Variants in DIAPH3 observed in about 807,000 individuals in gnomAD.
DIAPH3 encodes protein diaphanous homolog 3.
DIAPH3 carries 117 observed loss-of-function variants against 144.3 expected under a neutral mutation model. That is an observed-to-expected ratio of 0.81 (90% confidence interval 0.70 to 0.95). The LOEUF (loss-of-function observed/expected upper bound fraction) is 0.95. DIAPH3 is among the 40% of genes least tolerant of loss of function. DIAPH3 has a pLI of 0.00. For missense variants in DIAPH3, 1,421 were observed against 1,412.7 expected, an observed-to-expected ratio of 1.01 and a Z score of -0.09; for synonymous variants, 519 against 488.9, an observed-to-expected ratio of 1.06 and a Z score of -0.81.
Position 59,901,436 on chromosome 13 carries a change from C to T in DIAPH3, c.2367+10299G>A, listed in dbSNP as rs539234548. Among the ~76,000 whole-genome samples, 10 of 152,288 alleles carry T rather than the reference C, an allele frequency of 6.6e-5. No individual in the cohort carries two copies. The South Asian group carries it at 8.3e-4, about 13-fold the overall frequency. On this transcript the variant is annotated intron_variant, in intron 20 of 27. Coordinates refer to ENST00000400324, the MANE Select transcript of DIAPH3 (RefSeq NM_001042517.2). ...TCCACACCTCTAACTAAAGTCACTC[C>T]GGCTTCTGCTCAACTCTTACCTCTT...
At chr13:59,971,748 C>A (rs908083676) in intron 15 of DIAPH3, among the ~76,000 whole-genome samples, 1 of 152,192 alleles carries the variant, frequency 6.6e-6, no homozygotes, top group African/African-American at 2.4e-5. Context: ...ATATCATGAT[C>A]TAGTCCCTGC....
At chr13:59,853,035 C>T (rs1379405150) in intron 22 of DIAPH3, among the ~76,000 whole-genome samples, 1 of 152,110 alleles carries the variant, frequency 6.6e-6, no homozygotes, top group Non-Finnish European at 1.5e-5. Flanking sequence ...CAACAAACAT[C>T]TGGGTTAAGT....
chr13:60,045,744 G>A (rs2056027515), intron 4 of DIAPH3, among the ~76,000 whole-genome samples: 1 of 152,128 alleles, frequency 6.6e-6, no homozygotes, highest in Non-Finnish European at 1.5e-5. Context: ...CGAAAAACTT[G>A]CAATTTGGGT....
chr13:59,782,425 T>C (rs139029055), intron 25 of DIAPH3, among the ~76,000 whole-genome samples: 2 of 152,208 alleles, frequency 1.3e-5, no homozygotes, highest in East Asian at 3.9e-4. Context: ...AGAAGAAATA[T>C]CTAAGAATTA....
At chr13:59,851,635 C>CTTT (rs200870976) in intron 22 of DIAPH3, among the ~76,000 whole-genome samples, 45 of 112,350 alleles carry the variant, frequency 4.0e-4, no homozygotes, top group African/African-American at 6.0e-4. Flanking sequence ...ATAGATGAAT[C>CTTT]TTTTTTTTTT....
At chr13:59,839,278 C>T in intron 23 of DIAPH3, 46 bp downstream of exon 23, 1 of 1,606,152 alleles carries the variant, frequency 6.2e-7, no homozygotes, top group Non-Finnish European at 8.5e-7. Context: ...TAAATTGTAT[C>T]TCTAGTTGAC....
Position 60,034,483 on chromosome 13 carries a change from T to C in DIAPH3, c.626+8207A>G, listed in dbSNP as rs537433045. The C allele has an allele frequency of 4.6e-5, 7 of 152,334 alleles. 1 individual carries two copies. The East Asian group carries it at 1.2e-3, about 25-fold the overall frequency. 9.4% of individuals were successfully genotyped at this position (152,334 alleles called of 1,614,324 possible). A position where few individuals can be genotyped will look rare whatever the true frequency, so the allele number is the denominator to read the frequency against. ...TGCTTTAAGAGGCAGGGACTCACTG[T>C]GTTGCCCATGCTAGAGTACAGTGGC... On this transcript the variant is annotated intron_variant, in intron 5 of 27. Coordinates refer to ENST00000400324, the MANE Select transcript of DIAPH3 (RefSeq NM_001042517.2).
chr13:59,848,300 G>T, intron 22 of DIAPH3, among the ~76,000 whole-genome samples: 1 of 117,494 alleles, frequency 8.5e-6, no homozygotes, highest in Non-Finnish European at 1.8e-5. Context: ...TCAGAGTAAA[G>T]TCAAATCTTT....
chr13:60,054,610 G>A (rs1458350663), intron 4 of DIAPH3, among the ~76,000 whole-genome samples: 1 of 151,964 alleles, frequency 6.6e-6, no homozygotes, highest in Non-Finnish European at 1.5e-5. Flanking sequence ...GATATGAAAT[G>A]TCAAGACTAT....
chr13:60,153,960 G>A (rs1049929506), intron 1 of DIAPH3, among the ~76,000 whole-genome samples: 5 of 151,960 alleles, frequency 3.3e-5, no homozygotes, highest in Non-Finnish European at 7.4e-5. Flanking sequence ...ATAAAGAACA[G>A]GCCCCTAAGA....
intron 2 of DIAPH3, among the ~76,000 whole-genome samples, chr13:60,114,737 A>G (rs2058660339): frequency 6.6e-6 from 1 of 152,148 alleles, no homozygotes; most frequent in Non-Finnish European, 1.5e-5. Flanking sequence ...AGTTAAAAAT[A>G]AACAGCAAAC....
chr13:60,132,833 T>C (rs1467745164), intron 2 of DIAPH3, 124 bp downstream of exon 2: 18 of 786,958 alleles, frequency 2.3e-5, no homozygotes, highest in Non-Finnish European at 3.6e-5. Flanking sequence ...TTCAGCACTA[T>C]AAGAATAGTA....
At chr13:59,672,997 T>A (rs1403801167) in intron 27 of DIAPH3, among the ~76,000 whole-genome samples, 1 of 152,252 alleles carries the variant, frequency 6.6e-6, no homozygotes, top group East Asian at 1.9e-4. Context: ...ATTCTTGTTC[T>A]GTATCACTAT....
chr13:59,914,699 A>T (rs2047147001), intron 19 of DIAPH3, among the ~76,000 whole-genome samples: 1 of 152,162 alleles, frequency 6.6e-6, no homozygotes, highest in African/African-American at 2.4e-5. Context: ...GGCTTGGAAG[A>T]TGAAGGAATG....
intron 17 of DIAPH3, among the ~76,000 whole-genome samples, chr13:59,953,168 A>AG (rs1447016650): frequency 6.6e-6 from 1 of 152,124 alleles, no homozygotes; most frequent in African/African-American, 2.4e-5. Flanking sequence ...GAAGGTGGTA[A>AG]GGGGCTCATG....
intron 25 of DIAPH3, among the ~76,000 whole-genome samples, chr13:59,804,156 C>T (rs1046825077): frequency 2.0e-5 from 3 of 152,298 alleles, no homozygotes; most frequent in South Asian, 4.2e-4. Context: ...ATTGAAGAAT[C>T]CCTCCTTTGA....
At chr13:60,075,185 A>C (rs2141371157) in intron 4 of DIAPH3, among the ~76,000 whole-genome samples, 1 of 152,322 alleles carries the variant, frequency 6.6e-6, no homozygotes, top group African/African-American at 2.4e-5. Context: ...TTACATATTG[A>C]AATTGAACGT....
intron 25 of DIAPH3, 128 bp from the exon 26 acceptor site, chr13:59,774,951 A>G (rs766622481): frequency 1.1e-4 from 79 of 748,620 alleles, no homozygotes; most frequent in Non-Finnish European, 1.7e-4. Context: ...TAAGCTAGCA[A>G]TTTCAAAATA....
Position 59,819,948 on chromosome 13 carries a change from T to C in DIAPH3, c.3028-9025A>G, listed in dbSNP as rs1266750682. On this transcript the variant is annotated intron_variant, in intron 24 of 27. Coordinates refer to ENST00000400324, the MANE Select transcript of DIAPH3 (RefSeq NM_001042517.2). ...ATAGTGCCTGCAATACAAGGATATT[T>C]TAAGAAATAAATGAAATAATGCATG... Among the ~76,000 whole-genome samples, 4 of 151,896 alleles carry C rather than the reference T, an allele frequency of 2.6e-5. No homozygotes were observed. The East Asian group carries it at 5.8e-4, about 22-fold the overall frequency.
Sources: gnomAD v4.1 joint callset for allele counts (sites outside exome capture counted in the v4.1 genomes callset) on GRCh38, gnomAD v4.1.1 for gene constraint, MANE v1.5 for transcripts, NCBI Gene and HGNC (gene_info 2026-07-23, HGNC 2026-07-21) for gene names.